PDE10A: variants seen among roughly 807,000 people sequenced by gnomAD.
PDE10A encodes cAMP and cAMP-inhibited cGMP 3',5'-cyclic phosphodiesterase 10A.
PDE10A carries 39 observed loss-of-function variants against 97.7 expected under a neutral mutation model. The ratio of observed to expected loss-of-function variants is 0.40; its 90% CI spans 0.31 to 0.52. PDE10A has a LOEUF of 0.52. PDE10A is among the 20% of genes least tolerant of loss of function. The probability of loss-of-function intolerance (pLI) is 0.56; values close to 1 mark genes in which losing one functional copy is unlikely to be tolerated. For missense variants in PDE10A, 731 were observed against 1,047.8 expected, an observed-to-expected ratio of 0.70 and a Z score of 4.17; for synonymous variants, 371 against 376.8, an observed-to-expected ratio of 0.98 and a Z score of 0.18.
chr6:165,883,222 C>A (rs1304624742), intron 1 of PDE10A, among the ~76,000 whole-genome samples: 2 of 151,718 alleles, frequency 1.3e-5, no homozygotes, highest in Non-Finnish European at 2.9e-5. Flanking sequence ...GGCAATAGAG[C>A]AAGACTCTGT....
chr6:165,834,265 G>A (rs560829138), intron 1 of PDE10A, among the ~76,000 whole-genome samples: 17 of 152,312 alleles, frequency 1.1e-4, no homozygotes, highest in Admixed American at 7.2e-4. Context: ...ATGCTGGGTA[G>A]ACTAACAATC....
At chr6:165,505,583 T>C (rs932346102) in intron 2 of PDE10A, among the ~76,000 whole-genome samples, 3 of 152,152 alleles carry the variant, frequency 2.0e-5, no homozygotes, top group African/African-American at 7.2e-5. Context: ...TAAAAATGAG[T>C]TGAACTGATG....
intron 15 of PDE10A, among the ~76,000 whole-genome samples, chr6:165,394,980 C>T (rs1055594545): frequency 2.0e-5 from 3 of 152,178 alleles, no homozygotes; most frequent in African/African-American, 7.2e-5. Flanking sequence ...GCTAGAGCCC[C>T]TACAGAGAAT....
Position 165,819,280 on chromosome 6 carries a change from G to A in PDE10A, c.-615+168249C>T, listed in dbSNP as rs1431053034. On this transcript the variant is annotated intron_variant, in intron 1 of 19. Coordinates refer to the PDE10A transcript ENST00000366882. This position sits in a 1 kb window ranked among gnomAD's most constrained non-coding sequence, Gnocchi z 4.2. The stretch of plus-strand genomic sequence containing the variant: ...TCCTGCCCTCTCCGTCCACACGTCA[G>A]CAGTTGCCCAGCCTCATGACTTCTA... Among the ~76,000 whole-genome samples the A allele has an allele frequency of 6.6e-6, 1 of 152,200 alleles. No individual in the cohort carries two copies. Among genetic ancestry groups the A allele is most frequent in the East Asian group, 1.9e-4 (1 of 5,194 alleles).
At position 165,352,979 on chromosome 6, in the gene PDE10A, C is replaced by CCCTCA. The variant is rs1782794903; in HGVS notation, c.2784-9482_2784-9478dup. 2.6e-5 allele frequency among the ~76,000 whole-genome samples: 4 copies of CCCTCA among 152,072 alleles called. No individual in the cohort carries two copies. The South Asian group carries it at 8.3e-4, about 32-fold the overall frequency. ...ACTGTTACCACAAATATACAAAGAA[C>CCCTCA]CCTCAAAATTCAACAATAAGAAAAC... is the stretch of plus-strand genomic sequence containing the variant. On this transcript the variant is annotated intron_variant, in intron 18 of 21. Transcript: ENST00000539869.
chr6:165,489,334 T>C (rs619165), intron 2 of PDE10A, among the ~76,000 whole-genome samples: 43,934 of 151,728 alleles, frequency 0.29, 6,686 homozygotes, highest in African/African-American at 0.39. Flanking sequence ...GTGGTTACAT[T>C]CAGAAGATAA....
intron 1 of PDE10A, among the ~76,000 whole-genome samples, chr6:165,783,214 G>A (rs955978388): frequency 1.8e-4 from 28 of 152,154 alleles, no homozygotes; most frequent in Middle Eastern, 3.2e-3. Context: ...AATAACAGAG[G>A]GCACCTCATC....
chr6:165,825,533 C>T lies in PDE10A; in HGVS notation c.-615+161996G>A, dbSNP rs1378813176. Among the ~76,000 whole-genome samples the T allele has an allele frequency of 3.9e-5, 6 of 152,310 alleles. No homozygotes were observed. The South Asian group carries it at 1.0e-3, about 26-fold the overall frequency. On this transcript the variant is annotated intron_variant, in intron 1 of 19. Transcript: ENST00000366882. ...ATGCTGAGTGTCCTCCAGCTTGTCC[C>T]TTGTGCTGAGTCTACAAAAGGCTCC...
At chr6:165,559,891 C>T (rs1232699011) in intron 1 of PDE10A, among the ~76,000 whole-genome samples, 1 of 152,170 alleles carries the variant, frequency 6.6e-6, no homozygotes, top group Non-Finnish European at 1.5e-5. Flanking sequence ...TAAAAAGTGC[C>T]TTTCACCTTC....
chr6:165,904,539 C>T (rs1238937834), intron 1 of PDE10A, among the ~76,000 whole-genome samples: 2 of 152,144 alleles, frequency 1.3e-5, no homozygotes, highest in Non-Finnish European at 2.9e-5. Context: ...AATATTTTTT[C>T]TCTCTTTATG....
At chr6:165,583,186 G>T (rs988716899) in intron 1 of PDE10A, among the ~76,000 whole-genome samples, 2 of 152,196 alleles carry the variant, frequency 1.3e-5, no homozygotes, top group Non-Finnish European at 2.9e-5. Flanking sequence ...TCATTTTACA[G>T]AAGAGGAAAG....
intron 2 of PDE10A, among the ~76,000 whole-genome samples, chr6:165,528,089 T>G (rs1782557327): frequency 6.6e-6 from 1 of 152,236 alleles, no homozygotes; most frequent in Non-Finnish European, 1.5e-5. Flanking sequence ...TACGGATTCA[T>G]GGACTGTAAC....
intron 13 of PDE10A, among the ~76,000 whole-genome samples, chr6:165,401,102 T>C (rs1786626274): frequency 6.6e-6 from 1 of 152,216 alleles, no homozygotes. Context: ...ATTATGTTGA[T>C]GGTTTCATGG....
intron 1 of PDE10A, among the ~76,000 whole-genome samples, chr6:165,613,676 C>G (rs554584850): frequency 6.6e-6 from 1 of 152,202 alleles, no homozygotes; most frequent in Non-Finnish European, 1.5e-5. Context: ...TTTTTCAAAA[C>G]TAAGTGTGAA....
chr6:165,409,055 C>T (rs1043928169), intron 13 of PDE10A, among the ~76,000 whole-genome samples: 1 of 146,576 alleles, frequency 6.8e-6, no homozygotes, highest in African/African-American at 2.6e-5. Flanking sequence ...GTCCCAGCTA[C>T]TCGGGAGGCT....
intron 1 of PDE10A, among the ~76,000 whole-genome samples, chr6:165,764,263 A>T (rs1002448378): frequency 6.6e-6 from 1 of 152,228 alleles, no homozygotes; most frequent in Non-Finnish European, 1.5e-5. Flanking sequence ...TCTGGACAGT[A>T]AGGATAATAT....
intron 5 of PDE10A, among the ~76,000 whole-genome samples, chr6:165,438,180 T>A (rs578103947): frequency 2.6e-5 from 4 of 152,276 alleles, no homozygotes; most frequent in Admixed American, 2.6e-4. Flanking sequence ...ACGCTTTTTT[T>A]AATTTTTAAT....
chr6:165,933,625 C>T (rs1419352210), intron 1 of PDE10A, among the ~76,000 whole-genome samples: 1 of 152,190 alleles, frequency 6.6e-6, no homozygotes, highest in African/African-American at 2.4e-5. Context: ...AGGCATTCCC[C>T]CTGAGGAAAC....
At chr6:165,770,208 A>T (rs1777967557) in intron 1 of PDE10A, among the ~76,000 whole-genome samples, 1 of 151,736 alleles carries the variant, frequency 6.6e-6, no homozygotes, top group Admixed American at 6.6e-5. Context: ...ACTACATATG[A>T]GTTCCATGAA....
Sources: allele counts gnomAD v4.1 joint callset (sites outside exome capture counted in the v4.1 genomes callset), GRCh38; gene constraint gnomAD v4.1.1; non-coding constraint Gnocchi (gnomAD v3.1); transcripts MANE v1.5; gene names NCBI Gene and HGNC (gene_info 2026-07-23, HGNC 2026-07-21).